COG5: variants seen among roughly 807,000 people sequenced by gnomAD.
COG5 encodes conserved oligomeric Golgi complex subunit 5.
COG5 carries 86 observed loss-of-function variants against 110.4 expected under a neutral mutation model. That is an observed-to-expected ratio of 0.78 (90% CI 0.65 to 0.93). The LOEUF (loss-of-function observed/expected upper bound fraction) is 0.93, where lower values mean the gene tolerates loss of function less well. Ranked by LOEUF, COG5 falls within the 40% of genes least tolerant of loss-of-function variation. The pLI is 0.00. For missense variants in COG5, 1,077 were observed against 987.0 expected (o/e 1.09, Z -1.22); for synonymous variants, 360 against 334.6 (o/e 1.08, Z -0.83).
intron 11 of COG5, among the ~76,000 whole-genome samples, chr7:107,308,932 A>G: frequency 7.1e-6 from 1 of 141,190 alleles, no homozygotes; most frequent in African/African-American, 2.6e-5. Context: ...TTTCTAATGT[A>G]AAGGGTTACA....
In COG5 at chr7:107,298,437, T is replaced by C. The variant is rs778672551; in HGVS notation, c.1109-91A>G. 2.2e-5 allele frequency: 22 copies of C among 1,021,786 alleles called. No individual in the cohort carries two copies. In the Middle Eastern group the frequency reaches 9.0e-4, roughly 42 times the overall value. 63.3% of individuals were successfully genotyped at this position (1,021,786 alleles called of 1,614,324 possible). On this transcript the variant is annotated intron_variant, in intron 11 of 21. Coordinates refer to ENST00000297135, the MANE Select transcript of COG5 (RefSeq NM_006348.5). ...ATGAAGATATGTTCCAAATAACCCATACTATAGGGCAAACCAAAGACGTGT... is the reference window on the plus strand; with the variant it reads ...ATGAAGATATGTTCCAAATAACCCACACTATAGGGCAAACCAAAGACGTGT...
rs183700168 is a variant in COG5 at position 107,492,105 on chromosome 7, C to A, written c.538+35132G>T. 9.9e-5 allele frequency among the ~76,000 whole-genome samples: 15 copies of A among 151,610 alleles called. No individual in the cohort carries two copies. In the East Asian group the frequency reaches 2.7e-3, roughly 28 times the overall value. On this transcript the variant is annotated intron_variant, in intron 6 of 21. Transcript: ENST00000297135. ...TCTGGCAATAAAACGTCTTACAATT[C>A]TGGCACTTTTCTGTCAGAAGAGCCA...
chr7:107,340,081 A>C (rs1424490406), intron 10 of COG5, among the ~76,000 whole-genome samples: 1 of 152,136 alleles, frequency 6.6e-6, no homozygotes, highest in East Asian at 1.9e-4. Flanking sequence ...TAATAAAACC[A>C]AAAATTGGTT....
chr7:107,208,565 C>A, intron 21 of COG5: 2 of 985,430 alleles, frequency 2.0e-6, no homozygotes, highest in South Asian at 9.4e-5. Context: ...ATAATCCACA[C>A]AGACATTGCA....
chr7:107,269,108 T>G (rs1382973586), intron 14 of COG5, among the ~76,000 whole-genome samples: 2 of 152,228 alleles, frequency 1.3e-5, no homozygotes, highest in East Asian at 3.8e-4. Context: ...TTTTTACCCT[T>G]TTCCATTAAC....
At chr7:107,540,831 G>A (rs1164183480) in intron 5 of COG5, among the ~76,000 whole-genome samples, 3 of 151,886 alleles carry the variant, frequency 2.0e-5, no homozygotes, top group East Asian at 3.9e-4. Flanking sequence ...AACAAACCTA[G>A]AAATAATAAA....
At chr7:107,523,674 G>T (rs529467090) in intron 6 of COG5, among the ~76,000 whole-genome samples, 5 of 152,090 alleles carry the variant, frequency 3.3e-5, no homozygotes, top group African/African-American at 1.2e-4. Flanking sequence ...AATTAGCCGG[G>T]CATGGTGGTG....
intron 10 of COG5, among the ~76,000 whole-genome samples, chr7:107,350,759 G>C (rs1812068782): frequency 6.6e-6 from 1 of 152,112 alleles, no homozygotes; most frequent in East Asian, 1.9e-4. Context: ...ACTACCCTGG[G>C]TCTTGGTGTA....
chr7:107,374,549 C>T (rs1584744981), intron 7 of COG5, among the ~76,000 whole-genome samples: 1 of 152,112 alleles, frequency 6.6e-6, no homozygotes, highest in Non-Finnish European at 1.5e-5. Flanking sequence ...AAATTTTTCA[C>T]TTAAAACACC....
intron 6 of COG5, among the ~76,000 whole-genome samples, chr7:107,415,804 GTATA>G (rs761273882): frequency 8.4e-6 from 1 of 118,448 alleles, no homozygotes; most frequent in Non-Finnish European, 1.9e-5. Flanking sequence ...ATGTATGTGT[GTATA>G]TATACACACA....
intron 7 of COG5, among the ~76,000 whole-genome samples, chr7:107,409,746 T>G (rs1792138643): frequency 6.6e-6 from 1 of 152,216 alleles, no homozygotes; most frequent in Non-Finnish European, 1.5e-5. Context: ...GTTAGAGATC[T>G]GATGGAGTTG....
rs765394649 is a variant in COG5 at position 107,248,438 on chromosome 7, A to G, written c.1811T>C (p.Ile604Thr). The G allele has an allele frequency of 6.2e-7, 1 of 1,612,906 alleles. No individual in the cohort carries two copies. Among genetic ancestry groups the G allele is most frequent in the South Asian group, 1.1e-5 (1 of 91,026 alleles). ...QPLLTSVGDA[I>T]EAIIITMHQE... is the part of the protein sequence containing the mutation. Reference sequence around the variant, plus strand: ...ATGCATGGTGATGATTATGGCCTCTATAGCATCTCCCACAGAAGTGAGTAA... The same window carrying G: ...ATGCATGGTGATGATTATGGCCTCTGTAGCATCTCCCACAGAAGTGAGTAA... Residue 604 changes from isoleucine to threonine, a missense_variant, in exon 17 of 22, where the codon ATA (isoleucine) becomes ACA (threonine). By Grantham distance (89) the Ile-to-Thr change is moderately conservative. Transcript: ENST00000297135.
At chr7:107,370,680 G>A (rs1396313163) in intron 8 of COG5, among the ~76,000 whole-genome samples, 5 of 151,432 alleles carry the variant, frequency 3.3e-5, no homozygotes, top group Non-Finnish European at 7.4e-5. Flanking sequence ...CAGCTATTCA[G>A]GAGGCTGAGA....
rs1388007530 is a variant in COG5 at position 107,294,919 on chromosome 7, GTGTGTA to G, written c.1313+3217_1313+3222del. ...TGTGTGTGTGTGTGTGTGTGTGTGT[GTGTGTA>G]TATATACACACACACACACACACAC... is the stretch of plus-strand genomic sequence containing the variant. On this transcript the variant is annotated intron_variant, in intron 12 of 21. Coordinates refer to ENST00000297135, the MANE Select transcript of COG5 (RefSeq NM_006348.5). Among the ~76,000 whole-genome samples, 95 of 69,896 alleles carry G rather than the reference GTGTGTA, an allele frequency of 1.4e-3. 1 individual carries two copies. Among genetic ancestry groups the G allele is most frequent in the Middle Eastern group, 8.8e-3 (1 of 114 alleles). The allele number at this position is 69,896 out of a possible 152,430, so 45.9% of individuals were successfully genotyped here. A position where few individuals can be genotyped will look rare whatever the true frequency, so the allele number is the denominator to read the frequency against.
At chr7:107,317,820 A>T (rs1271871927) in intron 11 of COG5, among the ~76,000 whole-genome samples, 1 of 152,222 alleles carries the variant, frequency 6.6e-6, no homozygotes, top group South Asian at 2.1e-4. Flanking sequence ...CGGAATTAAC[A>T]TAGATGTTAG....
rs186640180 is a variant in COG5, at chr7:107,517,854, C to T, written c.538+9383G>A. Reference sequence around the variant, plus strand: ...CTGGGATTACAGGTGTGCACCATCACGCCTGGCTAATTTTTCTATTTTCAG... The same window carrying T: ...CTGGGATTACAGGTGTGCACCATCATGCCTGGCTAATTTTTCTATTTTCAG... On this transcript the variant is annotated intron_variant, in intron 6 of 21. Coordinates refer to ENST00000297135, the MANE Select transcript of COG5 (RefSeq NM_006348.5). Among the ~76,000 whole-genome samples the T allele has an allele frequency of 6.8e-4, 104 of 152,138 alleles. No homozygotes were observed. The Middle Eastern group carries it at 0.01, about 15-fold the overall frequency.
chr7:107,539,929 C>T (rs1211369689), intron 5 of COG5, among the ~76,000 whole-genome samples: 1 of 152,110 alleles, frequency 6.6e-6, no homozygotes, highest in Non-Finnish European at 1.5e-5. Flanking sequence ...ATGAGCTTAA[C>T]AATTGTCTCA....
chr7:107,422,247 A>G (rs1563025547), intron 6 of COG5, among the ~76,000 whole-genome samples: 1 of 152,232 alleles, frequency 6.6e-6, no homozygotes, highest in Non-Finnish European at 1.5e-5. Flanking sequence ...TTATATAATA[A>G]TATTCACTGT....
At chr7:107,422,744 G>A (rs550021571) in intron 6 of COG5, among the ~76,000 whole-genome samples, 1 of 146,592 alleles carries the variant, frequency 6.8e-6, no homozygotes, top group South Asian at 2.1e-4. Flanking sequence ...GTCTGTGTGT[G>A]GATGTATCTT....
Sources: gnomAD v4.1 joint callset for allele counts (sites outside exome capture counted in the v4.1 genomes callset) on GRCh38, gnomAD v4.1.1 for gene constraint, MANE v1.5 for transcripts, NCBI Gene and HGNC (gene_info 2026-07-23, HGNC 2026-07-21) for gene names.